Variants in NMNAT2 observed in about 807,000 individuals in gnomAD.
The protein encoded by NMNAT2 is nicotinamide nucleotide adenylyltransferase 2, also known as nicotinamide/nicotinic acid mononucleotide adenylyltransferase 2.
In NMNAT2, 11 loss-of-function variants were observed where a neutral mutation model predicts 41.6. The ratio of observed to expected loss-of-function variants is 0.26; its 90% CI spans 0.17 to 0.44. The LOEUF (loss-of-function observed/expected upper bound fraction) is 0.44, where lower values mean the gene tolerates loss of function less well. Among genes scored for constraint, NMNAT2 ranks in the 20% least tolerant of loss-of-function variants. The probability of loss-of-function intolerance (pLI) is 1.00; values close to 1 mark genes in which losing one functional copy is unlikely to be tolerated. For synonymous variants in NMNAT2, 148 were observed against 151.2 expected, an observed-to-expected ratio of 0.98 and a Z score of 0.16; for missense variants, 288 against 407.7, an observed-to-expected ratio of 0.71 and a Z score of 2.53.
At chr1:183,362,908 T>A (rs2102360368) in intron 1 of NMNAT2, among the ~76,000 whole-genome samples, 1 of 152,328 alleles carries the variant, frequency 6.6e-6, no homozygotes, top group Admixed American at 6.5e-5. Context: ...TGATTTCTCA[T>A]ACAATTGTTG....
At chr1:183,298,596 G>A (rs897942170) in intron 1 of NMNAT2, among the ~76,000 whole-genome samples, 5 of 152,180 alleles carry the variant, frequency 3.3e-5, no homozygotes, top group Non-Finnish European at 7.3e-5. Flanking sequence ...CCTTTTCAAG[G>A]ATGCCTTCAA....
At chr1:183,418,072 C>T in intron 1 of NMNAT2, 111 bp downstream of exon 1, 1 of 999,050 alleles carries the variant, frequency 1.0e-6, no homozygotes, top group Non-Finnish European at 1.6e-6. Context: ...ATGAGCCGGC[C>T]CACCCCTCCG....
At chr1:183,320,735 T>C (rs889304866) in intron 1 of NMNAT2, among the ~76,000 whole-genome samples, 1 of 152,224 alleles carries the variant, frequency 6.6e-6, no homozygotes, top group African/African-American at 2.4e-5. Flanking sequence ...TCACAGAAGT[T>C]GATCTAAAGT....
chr1:183,326,671 G>A (rs1050029889), intron 1 of NMNAT2, among the ~76,000 whole-genome samples: 1 of 152,124 alleles, frequency 6.6e-6, no homozygotes, highest in Non-Finnish European at 1.5e-5. Flanking sequence ...GTCATTGGGG[G>A]ATTTAAGAAA....
chr1:183,261,229 A>T lies in NMNAT2; in HGVS notation c.726T>A (p.Asn242Lys). The T allele has an allele frequency of 1.2e-6, 2 of 1,614,198 alleles. No individual in the cohort carries two copies. The highest frequency in any genetic ancestry group is 1.1e-5 in the South Asian group (1 of 91,088). Residue 242 changes from asparagine (N) to lysine (K), a missense_variant, in exon 9 of 11, where the codon AAT becomes AAA. This residue lies in a region of NMNAT2 where 181 missense variants were observed against 213.7 expected (regional missense o/e 0.85). Coordinates refer to ENST00000287713, the MANE Select transcript of NMNAT2 (RefSeq NM_015039.4). Reference protein sequence around the residue: ...RDAADTDRIMNHSSILRKYKN... With the variant: ...RDAADTDRIMKHSSILRKYKN... ...TGTATTTGCGGAGTATTGAGGAGTG[A>T]TTCATGATTCGGTCTGTGTCGGCTG...
chr1:183,271,346 T>C (rs1291478959), intron 8 of NMNAT2, among the ~76,000 whole-genome samples: 1 of 152,124 alleles, frequency 6.6e-6, no homozygotes, highest in African/African-American at 2.4e-5. Context: ...CACCGAATCT[T>C]TTATATCCTC....
intron 1 of NMNAT2, among the ~76,000 whole-genome samples, chr1:183,356,065 G>A (rs1663178063): frequency 1.3e-5 from 2 of 152,186 alleles, no homozygotes; most frequent in Admixed American, 1.3e-4. Context: ...ACTCATAATA[G>A]CCAGCTAGCA....
chr1:183,310,004 G>A (rs1024373647), intron 1 of NMNAT2, among the ~76,000 whole-genome samples: 14 of 152,124 alleles, frequency 9.2e-5, no homozygotes, highest in African/African-American at 3.4e-4. Context: ...AATATAGGGT[G>A]GACACCTGAA....
At chr1:183,367,249 G>A (rs1329806198) in intron 1 of NMNAT2, among the ~76,000 whole-genome samples, 4 of 151,956 alleles carry the variant, frequency 2.6e-5, no homozygotes, top group Admixed American at 1.3e-4. Context: ...ACCTGAGGTC[G>A]GAAGTTTGAG....
intron 1 of NMNAT2, among the ~76,000 whole-genome samples, chr1:183,370,748 A>C (rs1571624004): frequency 6.6e-6 from 1 of 152,242 alleles, no homozygotes; most frequent in Non-Finnish European, 1.5e-5. Context: ...AAGTATTGGC[A>C]GGACAATTAG....
chr1:183,413,779 T>TG (rs1649183772), intron 1 of NMNAT2, among the ~76,000 whole-genome samples: 1 of 151,910 alleles, frequency 6.6e-6, no homozygotes, highest in East Asian at 1.9e-4. Flanking sequence ...GCTAATTTTT[T>TG]TGTGTTTTTA....
chr1:183,266,095 G>A (rs549215286), intron 8 of NMNAT2, among the ~76,000 whole-genome samples: 1 of 152,288 alleles, frequency 6.6e-6, no homozygotes, highest in African/African-American at 2.4e-5. Flanking sequence ...CTCTGGAGTT[G>A]TTGGCCTTGC....
chr1:183,322,406 C>A (rs771307761), intron 1 of NMNAT2, among the ~76,000 whole-genome samples: 20 of 152,176 alleles, frequency 1.3e-4, no homozygotes, highest in Non-Finnish European at 2.8e-4. Context: ...ACTGCACCTG[C>A]AGCCTTGAGG....
rs1007101501 is a variant in NMNAT2, at chr1:183,393,680, C to T, written c.85+24503G>A. On this transcript the variant is annotated intron_variant, in intron 1 of 10. Transcript: ENST00000287713. The stretch of plus-strand genomic sequence containing the variant: ...AAGCGATTCGCCTGCCTCAGCCTCC[C>T]GAGTAGCTGGGATTATAGGCACACA... 5.9e-5 allele frequency among the ~76,000 whole-genome samples: 9 copies of T among 152,128 alleles called. No individual in the cohort carries two copies. In the South Asian group the frequency reaches 8.3e-4, roughly 14 times the overall value.
At chr1:183,361,602 TAA>T (rs35275295) in intron 1 of NMNAT2, among the ~76,000 whole-genome samples, 87,991 of 151,780 alleles carry the variant, frequency 0.58, 25,865 homozygotes, top group East Asian at 0.79. Flanking sequence ...ATCCTAGTGC[TAA>T]GTCTACCTTC....
intron 1 of NMNAT2, among the ~76,000 whole-genome samples, chr1:183,399,273 A>G (rs1338024964): frequency 1.3e-5 from 2 of 152,224 alleles, no homozygotes; most frequent in Non-Finnish European, 2.9e-5. Flanking sequence ...GTCGGAGAAT[A>G]TTATAAACAC....
Position 183,317,896 on chromosome 1 carries a change from C to T in NMNAT2, c.86-24103G>A, listed in dbSNP as rs758413503. ...AGAAAAAAATATTTAAATTAGCATCCACTATGGGCTGGATTCTATGCTGAG... is the reference window on the plus strand; with the variant it reads ...AGAAAAAAATATTTAAATTAGCATCTACTATGGGCTGGATTCTATGCTGAG... On this transcript the variant is annotated intron_variant, in intron 1 of 10. Coordinates refer to ENST00000287713, the MANE Select transcript of NMNAT2 (RefSeq NM_015039.4). 2.6e-5 allele frequency among the ~76,000 whole-genome samples: 4 copies of T among 152,170 alleles called. No individual in the cohort carries two copies. In the South Asian group the frequency reaches 8.3e-4, roughly 32 times the overall value.
chr1:183,323,910 G>T (rs1269362925), intron 1 of NMNAT2, among the ~76,000 whole-genome samples: 1 of 152,228 alleles, frequency 6.6e-6, no homozygotes, highest in Admixed American at 6.5e-5. Context: ...CTCAGAGGCT[G>T]GGGTGGAAGA....
intron 1 of NMNAT2, among the ~76,000 whole-genome samples, chr1:183,310,386 T>C (rs1162380180): frequency 6.6e-6 from 1 of 152,232 alleles, no homozygotes; most frequent in Non-Finnish European, 1.5e-5. Context: ...GCAAACCCTG[T>C]CTTCCAGAAT....
Sources: gnomAD v4.1 joint callset for allele counts (sites outside exome capture counted in the v4.1 genomes callset) on GRCh38, gnomAD v4.1.1 for gene constraint, gnomAD v4.1.1 regional missense constraint, MANE v1.5 for transcripts, NCBI Gene and HGNC (gene_info 2026-07-23, HGNC 2026-07-21) for gene names.